The following MDFIC variants were observed in gnomAD, a reference collection of about 807,000 sequenced individuals.
MDFIC encodes MyoD family inhibitor domain containing.
Under a neutral mutation model 23.2 loss-of-function variants are expected in MDFIC, and 17 were observed. The observed-to-expected ratio is 0.73, with a 90% CI of 0.50 to 1.10. The LOEUF is 1.10. Among genes scored for constraint, MDFIC ranks in the 50% least tolerant of loss-of-function variants. The probability of loss-of-function intolerance (pLI) is 0.00; values close to 1 mark genes in which losing one functional copy is unlikely to be tolerated. For synonymous variants in MDFIC, 120 were observed against 115.2 expected, an observed-to-expected ratio of 1.04 and a Z score of -0.27; for missense variants, 356 against 316.6, an observed-to-expected ratio of 1.12 and a Z score of -0.95.
chr7:114,986,348 C>T (rs1793513802), intron 4 of MDFIC, among the ~76,000 whole-genome samples: 2 of 152,048 alleles, frequency 1.3e-5, no homozygotes, highest in African/African-American at 2.4e-5. Flanking sequence ...GCATACTCCC[C>T]ACCAGTAGGA....
At chr7:114,966,423 GA>G (rs1338607018) in intron 3 of MDFIC, among the ~76,000 whole-genome samples, 3 of 146,830 alleles carry the variant, frequency 2.0e-5, no homozygotes, top group Admixed American at 2.0e-4. Context: ...AAAAAAAAAG[GA>G]AAAAACACCA....
At chr7:114,987,335 A>G (rs371672935) in intron 4 of MDFIC, among the ~76,000 whole-genome samples, 189 of 152,304 alleles carry the variant, frequency 1.2e-3, no homozygotes, top group African/African-American at 4.2e-3. Flanking sequence ...CGTTTTGCCT[A>G]TAATTGTAGA....
At chr7:114,979,808 A>T in intron 4 of MDFIC, 27 bp downstream of exon 4, 1 of 1,600,132 alleles carries the variant, frequency 6.2e-7, no homozygotes. Context: ...TGTAGATTTT[A>T]TTTGACCAGA....
Position 114,925,738 on chromosome 7 carries a change from A to C in MDFIC, c.94+2611A>C, listed in dbSNP as rs531808832. On this transcript the variant is annotated intron_variant, in intron 2 of 4. Transcript: ENST00000393486. ...GTGGGTTAGTATCTTCAGATATTTCAAGTGATACTGGAAATCCAGATTTTT... is the reference window on the plus strand; with the variant it reads ...GTGGGTTAGTATCTTCAGATATTTCCAGTGATACTGGAAATCCAGATTTTT... Among the ~76,000 whole-genome samples, 249 of 152,254 alleles carry C rather than the reference A, an allele frequency of 1.6e-3. 1 individual carries two copies. The highest frequency in any genetic ancestry group is 5.6e-3 in the African/African-American group (232 of 41,528).
chr7:114,963,599 G>C (rs1337240888), intron 3 of MDFIC, among the ~76,000 whole-genome samples: 1 of 152,162 alleles, frequency 6.6e-6, no homozygotes, highest in African/African-American at 2.4e-5. Flanking sequence ...TTTGAGGCAA[G>C]ATGTGTCAGC....
At chr7:114,982,622 G>C (rs1793437900) in intron 4 of MDFIC, among the ~76,000 whole-genome samples, 1 of 152,154 alleles carries the variant, frequency 6.6e-6, no homozygotes, top group Non-Finnish European at 1.5e-5. Context: ...CTGAGCCCAG[G>C]AGTTTGAGGT....
At chr7:114,934,433 C>G (rs1792385805) in intron 2 of MDFIC, among the ~76,000 whole-genome samples, 1 of 152,110 alleles carries the variant, frequency 6.6e-6, no homozygotes, top group African/African-American at 2.4e-5. Context: ...TATACCTATT[C>G]CTTCGCATAT....
intron 1 of MDFIC, 131 bp downstream of exon 1, chr7:114,922,767 C>A: frequency 8.2e-7 from 1 of 1,217,190 alleles, no homozygotes; most frequent in Non-Finnish European, 1.1e-6. Context: ...CCGCCGCTGT[C>A]AACTTGCGCT....
intron 3 of MDFIC, among the ~76,000 whole-genome samples, chr7:114,969,453 C>T (rs1376611470): frequency 6.6e-6 from 1 of 152,104 alleles, no homozygotes; most frequent in East Asian, 1.9e-4. Flanking sequence ...TGACGGAATT[C>T]TAAGAATATA....
chr7:114,929,879 A>G (rs920790341), intron 2 of MDFIC, among the ~76,000 whole-genome samples: 6 of 152,120 alleles, frequency 3.9e-5, no homozygotes, highest in African/African-American at 1.4e-4. Context: ...CTGGGATGGA[A>G]TGGGATGAAG....
chr7:114,931,605 C>G (rs1792309455), intron 2 of MDFIC, among the ~76,000 whole-genome samples: 1 of 152,132 alleles, frequency 6.6e-6, no homozygotes, highest in Non-Finnish European at 1.5e-5. Context: ...AAATTTCAGT[C>G]TCTTACTGAA....
At chr7:115,010,776 G>A (rs923732832) in intron 4 of MDFIC, among the ~76,000 whole-genome samples, 9 of 152,134 alleles carry the variant, frequency 5.9e-5, no homozygotes, top group African/African-American at 2.2e-4. Context: ...TAACGTTTAT[G>A]TTTTAAATTT....
intron 4 of MDFIC, chr7:115,014,310 C>T: frequency 2.0e-6 from 2 of 985,346 alleles, no homozygotes; most frequent in Non-Finnish European, 2.4e-6. Context: ...TTACCTGAAG[C>T]ATTTGTAGCC....
chr7:114,979,509 A>G lies in MDFIC; in HGVS notation c.221A>G (p.Gln74Arg), dbSNP rs1457860340. The G allele has an allele frequency of 6.2e-7, 1 of 1,601,064 alleles. No individual in the cohort carries two copies. The highest frequency in any genetic ancestry group is 8.5e-7 in the Non-Finnish European group (1 of 1,173,124). ...CTTTTTCCTGTTTTTAATTTAGCCC[A>G]ACCTCAGCGCTTGCCTCAGCTTCAG... ...NPSDGELIRT[Q>R]PQRLPQLQTS... is the part of the protein sequence containing the mutation. The change falls in exon 4 of 5, where the codon CAA (glutamine) becomes CGA (arginine). Residue 74 changes from glutamine (Q) to arginine (R), a missense_variant. By Grantham distance (43) the Gln-to-Arg change is conservative. Transcript: ENST00000393486.
At chr7:114,959,980 C>G (rs1369199875) in intron 3 of MDFIC, among the ~76,000 whole-genome samples, 2 of 152,040 alleles carry the variant, frequency 1.3e-5, no homozygotes, top group Non-Finnish European at 2.9e-5. Context: ...GCACATAACA[C>G]CAGTGTATAG....
chr7:114,976,137 A>T (rs1793304723), intron 3 of MDFIC, among the ~76,000 whole-genome samples: 1 of 152,130 alleles, frequency 6.6e-6, no homozygotes, highest in Non-Finnish European at 1.5e-5. Flanking sequence ...TAGCCAGGAT[A>T]CAAGTGTCTT....
chr7:114,924,127 C>T (rs899835277), intron 2 of MDFIC, among the ~76,000 whole-genome samples: 4 of 152,168 alleles, frequency 2.6e-5, no homozygotes, highest in Admixed American at 2.6e-4. Context: ...AACTGAATTA[C>T]ATTTATCATT....
intron 3 of MDFIC, among the ~76,000 whole-genome samples, chr7:114,970,000 G>C (rs887987771): frequency 2.0e-5 from 3 of 152,194 alleles, no homozygotes; most frequent in Admixed American, 6.5e-5. Flanking sequence ...GATAGCCACA[G>C]TGTAAACTCT....
At chr7:114,930,230 C>T (rs1308553410) in intron 2 of MDFIC, among the ~76,000 whole-genome samples, 3 of 152,136 alleles carry the variant, frequency 2.0e-5, no homozygotes, top group Non-Finnish European at 4.4e-5. Flanking sequence ...AGCCAGGGAG[C>T]ATGCAGGAGC....
Sources: gnomAD v4.1 joint callset for allele counts (sites outside exome capture counted in the v4.1 genomes callset) on GRCh38, gnomAD v4.1.1 for gene constraint, MANE v1.5 for transcripts, NCBI Gene and HGNC (gene_info 2026-07-23, HGNC 2026-07-21) for gene names.